Variants in ITGAL observed in about 807,000 individuals in gnomAD.
ITGAL encodes the protein integrin alpha-L.
ITGAL carries 68 observed loss-of-function variants against 138.4 expected under a neutral mutation model. That is an observed-to-expected ratio of 0.49 (90% confidence interval 0.40 to 0.60). The LOEUF (loss-of-function observed/expected upper bound fraction) is 0.60. ITGAL is among the 20% of genes least tolerant of loss of function. The probability of loss-of-function intolerance (pLI) is 0.00; values close to 1 mark genes in which losing one functional copy is unlikely to be tolerated. For missense variants in ITGAL, 1,256 were observed against 1,478.6 expected (o/e 0.85, Z 2.47); for synonymous variants, 561 against 584.3 (o/e 0.96, Z 0.57).
At position 30,480,374 on chromosome 16, in the gene ITGAL, G is replaced by T. The variant is rs372515393; in HGVS notation, c.576+913G>T. Among the ~76,000 whole-genome samples the T allele has an allele frequency of 2.0e-5, 3 of 152,142 alleles. No individual in the cohort carries two copies. In the South Asian group the frequency reaches 6.2e-4, roughly 31 times the overall value. ...GTTCATGTGTTAAAGTTCCAAGAGG[G>T]TTTTTTACCTTCCCCTCAACCAACA... On this transcript the variant is annotated intron_variant, in intron 6 of 30. Transcript: ENST00000356798.
intron 17 of ITGAL, among the ~76,000 whole-genome samples, chr16:30,503,396 T>C (rs2050934392): frequency 6.6e-6 from 1 of 151,880 alleles, no homozygotes; most frequent in African/African-American, 2.4e-5. Flanking sequence ...TGACTGTCAC[T>C]CCAAGCTCTT....
chr16:30,492,381 G>C (rs1165339308), intron 11 of ITGAL, among the ~76,000 whole-genome samples: 2 of 151,318 alleles, frequency 1.3e-5, no homozygotes, highest in African/African-American at 4.9e-5. Flanking sequence ...CTCCTGAGTA[G>C]CCGGGACTAC....
Position 30,496,464 on chromosome 16 carries a change from G to A in ITGAL, c.1730G>A (p.Gly577Glu). 6.2e-7 allele frequency: 1 copy of A among 1,613,786 alleles called. No homozygotes were observed. Among genetic ancestry groups the A allele is most frequent in the Non-Finnish European group, 8.5e-7 (1 of 1,179,938 alleles). The change falls in exon 15 of 31, where the codon GGA (glycine) becomes GAA (glutamate). Residue 577 changes from glycine (G) to glutamate (E), a missense_variant. Gly to Glu is a moderately conservative substitution (Grantham distance 98). Around this residue, in one of 3 missense-constraint regions of ITGAL, gnomAD observed 867 missense variants for 972.5 expected, o/e 0.89. Transcript: ENST00000356798. ...ATAGAAGGGACCCAAGTGCTCTCAG[G>A]AATTCAGTGGTTTGGACGCTCCATC... ...QRIEGTQVLSGIQWFGRSIHG... is the reference protein window; with the variant it reads ...QRIEGTQVLSEIQWFGRSIHG...
intron 25 of ITGAL, among the ~76,000 whole-genome samples, chr16:30,514,519 C>T (rs1310792630): frequency 1.2e-5 from 1 of 81,596 alleles, no homozygotes; most frequent in Non-Finnish European, 3.0e-5. Flanking sequence ...TCGTGATCTT[C>T]CCCCCTCGTG....
At chr16:30,499,712 TGTATATATATATATATATATA>T (rs2050859834) in intron 17 of ITGAL, among the ~76,000 whole-genome samples, 1 of 43,830 alleles carries the variant, frequency 2.3e-5, no homozygotes, top group Non-Finnish European at 4.5e-5. Flanking sequence ...TATATATATA[TGTATATATATATATATATATA>T]TTTTTTTTTT....
chr16:30,520,468 C>T (rs1405625941), intron 30 of ITGAL, among the ~76,000 whole-genome samples: 1 of 152,084 alleles, frequency 6.6e-6, no homozygotes, highest in Non-Finnish European at 1.5e-5. Flanking sequence ...GACTTTTCCA[C>T]GGTCATTCAG....
At chr16:30,518,032 C>T (rs895483833) in intron 28 of ITGAL, 137 bp downstream of exon 28, 23 of 691,556 alleles carry the variant, frequency 3.3e-5, no homozygotes, top group Non-Finnish European at 5.2e-5. Flanking sequence ...TACACAGTCA[C>T]AGGTGAAAGA....
chr16:30,508,443 C>T lies in ITGAL; in HGVS notation c.2508+1587C>T, dbSNP rs537306628. ...GGCCAGGCTGGTCTTGAACTCCTGT[C>T]CTCAGGTGATCTACCCGCCTTGGCC... On this transcript the variant is annotated intron_variant, in intron 21 of 30. Coordinates refer to ENST00000356798, the MANE Select transcript of ITGAL (RefSeq NM_002209.3). Among the ~76,000 whole-genome samples, 372 of 151,828 alleles carry T rather than the reference C, an allele frequency of 2.5e-3. 2 individuals are homozygous for T. The highest frequency in any genetic ancestry group is 4.1e-3 in the Admixed American group (63 of 15,212).
rs2151160990 is a variant in ITGAL at position 30,499,429 on chromosome 16, C to T, written c.2085C>T (p.Leu695=). ...RGLFPGGRHE[L]RRNIAVTTSM... Reference sequence around the variant, plus strand: ...TGTTCCCAGGAGGGAGACATGAACTCAGAAGGAATATAGCTGTCACCACCA... The same window carrying T: ...TGTTCCCAGGAGGGAGACATGAACTTAGAAGGAATATAGCTGTCACCACCA... The change falls in exon 17 of 31, where the codon CTC becomes CTT. Residue 695 remains leucine, a synonymous_variant. Coordinates refer to ENST00000356798, the MANE Select transcript of ITGAL (RefSeq NM_002209.3). 6.2e-7 allele frequency: 1 copy of T among 1,614,000 alleles called. No homozygotes were observed. Among genetic ancestry groups the T allele is most frequent in the Non-Finnish European group, 8.5e-7 (1 of 1,180,008 alleles).
At chr16:30,484,079 GGATTTCAGCTCT>G (rs749449962) in intron 8 of ITGAL, 22 bp from the exon 9 acceptor site, 1 of 1,604,584 alleles carries the variant, frequency 6.2e-7, no homozygotes, top group Admixed American at 1.7e-5. Flanking sequence ...GAGGTTTGGG[GGATTTCAGCTCT>G]TCACTCTCCA....
chr16:30,490,618 CA>C (rs1334678454), intron 11 of ITGAL, among the ~76,000 whole-genome samples: 2 of 152,274 alleles, frequency 1.3e-5, no homozygotes, highest in Non-Finnish European at 2.9e-5. Flanking sequence ...CTTTCAATGA[CA>C]GTGACTCTCT....
chr16:30,478,005 AAAAG>A (rs2050495900), intron 4 of ITGAL, among the ~76,000 whole-genome samples: 1 of 151,566 alleles, frequency 6.6e-6, no homozygotes, highest in African/African-American at 2.4e-5. Context: ...AGGAAGAAGA[AAAAG>A]AAAGATGAAG....
At chr16:30,486,408 CAA>C (rs67561933) in intron 9 of ITGAL, among the ~76,000 whole-genome samples, 8 of 118,806 alleles carry the variant, frequency 6.7e-5, no homozygotes, top group African/African-American at 3.2e-5. Flanking sequence ...AAAACTGTCT[CAA>C]AAAAAAAAAA....
At chr16:30,495,656 C>A (rs1015384089) in intron 13 of ITGAL, among the ~76,000 whole-genome samples, 1 of 151,930 alleles carries the variant, frequency 6.6e-6, no homozygotes. Flanking sequence ...ATGACAAGAC[C>A]CTGTTTCTAC....
intron 5 of ITGAL, 51 bp from the exon 6 acceptor site, chr16:30,479,280 G>C: frequency 1.9e-6 from 3 of 1,613,434 alleles, no homozygotes; most frequent in Non-Finnish European, 2.5e-6. Flanking sequence ...AGCATGGGCA[G>C]GTCAAACACC....
chr16:30,483,812 CT>C lies in ITGAL; in HGVS notation c.723-12del. 6.3e-7 allele frequency: 1 copy of C among 1,599,224 alleles called. No individual in the cohort carries two copies. Among genetic ancestry groups the C allele is most frequent in the Non-Finnish European group, 8.5e-7 (1 of 1,170,042 alleles). On this transcript the variant is annotated splice_polypyrimidine_tract_variant and intron_variant, in intron 7 of 30. Coordinates refer to ENST00000356798, the MANE Select transcript of ITGAL (RefSeq NM_002209.3). ...GTTTGGGGGAGTCTCTCATCTCCTC[CT>C]TTCCTGGACACAGGACAGAGGTGTT...
chr16:30,494,448 C>CATGGTAAGTGGA lies in ITGAL; in HGVS notation c.1365+85_1365+86insATGGTAAGTGGA. Reference sequence around the variant, plus strand: ...CTTCTGTCCTTTGAATGCTCATCCACTTACCATGTGGCAGCCCCTGTGCTA... The same window carrying CATGGTAAGTGGA: ...CTTCTGTCCTTTGAATGCTCATCCACATGGTAAGTGGATTACCATGTGGCAGCCCCTGTGCTA... On this transcript the variant is annotated intron_variant, in intron 12 of 30. Transcript: ENST00000356798. This position sits in a 1 kb window ranked among gnomAD's most constrained non-coding sequence, Gnocchi z 4.2. 3 of 1,402,680 alleles carry CATGGTAAGTGGA rather than the reference C, an allele frequency of 2.1e-6. No individual in the cohort carries two copies. Among genetic ancestry groups the CATGGTAAGTGGA allele is most frequent in the Non-Finnish European group, 2.9e-6 (3 of 1,038,028 alleles). 86.9% of individuals were successfully genotyped at this position (1,402,680 alleles called of 1,614,324 possible). A position where few individuals can be genotyped will look rare whatever the true frequency, so the allele number is the denominator to read the frequency against.
At chr16:30,516,579 C>T (rs558181723) in intron 25 of ITGAL, among the ~76,000 whole-genome samples, 1 of 152,190 alleles carries the variant, frequency 6.6e-6, no homozygotes, top group Admixed American at 6.6e-5. Context: ...GGCTCCTGTC[C>T]TCAGGGAGTT....
At position 30,494,398 on chromosome 16, in the gene ITGAL, A is replaced by G; in HGVS notation, c.1365+35A>G. 6.4e-7 allele frequency: 1 copy of G among 1,567,102 alleles called. No individual in the cohort carries two copies. Among genetic ancestry groups the G allele is most frequent in the Non-Finnish European group, 8.7e-7 (1 of 1,150,248 alleles). ...GTCCGAGGGCATCTGCAGACCAGGG[A>G]CTGGCGGGACACACATCACACTCCC... On this transcript the variant is annotated intron_variant, in intron 12 of 30. Transcript: ENST00000356798. The surrounding 1 kb of genome is among the most constrained non-coding windows in gnomAD (Gnocchi z 4.2).
Sources: allele counts gnomAD v4.1 joint callset (sites outside exome capture counted in the v4.1 genomes callset), GRCh38; gene constraint gnomAD v4.1.1; regional missense constraint gnomAD v4.1.1; non-coding constraint Gnocchi (gnomAD v3.1); transcripts MANE v1.5; gene names NCBI Gene and HGNC (gene_info 2026-07-23, HGNC 2026-07-21).